GUCY1B1: variants seen among roughly 807,000 people sequenced by gnomAD.
The protein encoded by GUCY1B1 is guanylate cyclase 1 soluble subunit beta 1, also known as guanylate cyclase soluble subunit beta-1.
In GUCY1B1, 43 loss-of-function variants were observed where a neutral mutation model predicts 71.0. The observed-to-expected ratio is 0.61, with a 90% CI of 0.47 to 0.78. The LOEUF is 0.78. Among genes scored for constraint, GUCY1B1 ranks in the 30% least tolerant of loss-of-function variants. GUCY1B1 has a pLI of 0.00. For missense variants in GUCY1B1, 535 were observed against 754.1 expected (o/e 0.71, Z 3.40); for synonymous variants, 266 against 259.7 (o/e 1.02, Z -0.23).
chr4:155,803,149 A>G (rs1220874659), intron 10 of GUCY1B1, among the ~76,000 whole-genome samples: 1 of 152,206 alleles, frequency 6.6e-6, no homozygotes, highest in Non-Finnish European at 1.5e-5. Flanking sequence ...ATCTGGGGTA[A>G]TATAACTACA....
chr4:155,765,165 T>C (rs1737248045), intron 2 of GUCY1B1, among the ~76,000 whole-genome samples: 1 of 152,154 alleles, frequency 6.6e-6, no homozygotes, highest in Non-Finnish European at 1.5e-5. Context: ...TTGGCAAACA[T>C]TTACTAAGCA....
intron 2 of GUCY1B1, 67 bp from the exon 3 acceptor site, chr4:155,774,901 A>G: frequency 4.6e-6 from 4 of 873,102 alleles, no homozygotes; most frequent in East Asian, 2.4e-5. Flanking sequence ...TACAATTATT[A>G]TACTTATAGT....
chr4:155,806,375 G>A lies in GUCY1B1; in HGVS notation c.1837-11G>A. 1 of 1,581,696 alleles carries A rather than the reference G, an allele frequency of 6.3e-7. No individual in the cohort carries two copies. The highest frequency in any genetic ancestry group is 8.7e-7 in the Non-Finnish European group (1 of 1,151,326). On this transcript the variant is annotated splice_polypyrimidine_tract_variant and intron_variant, in intron 13 of 13. Coordinates refer to ENST00000264424, the MANE Select transcript of GUCY1B1 (RefSeq NM_000857.5). ...TGTAAATCAATCCCTCTTTTCTTCTGCCTATTTAAGGAAACAAAGCAGGAT... is the reference window on the plus strand; with the variant it reads ...TGTAAATCAATCCCTCTTTTCTTCTACCTATTTAAGGAAACAAAGCAGGAT...
intron 5 of GUCY1B1, among the ~76,000 whole-genome samples, chr4:155,792,043 C>G (rs1332892930): frequency 4.6e-5 from 7 of 152,106 alleles, no homozygotes; most frequent in South Asian, 2.1e-4. Context: ...AAATTCTCTT[C>G]TGACCATTTA....
intron 2 of GUCY1B1, among the ~76,000 whole-genome samples, chr4:155,760,926 AT>A (rs1370231360): frequency 6.6e-6 from 1 of 152,196 alleles, no homozygotes; most frequent in African/African-American, 2.4e-5. Flanking sequence ...ATTATTAGCA[AT>A]CAATTCTAAC....
chr4:155,759,192 G>A (rs781055437), intron 1 of GUCY1B1, 49 bp downstream of exon 1: 1 of 1,533,446 alleles, frequency 6.5e-7, no homozygotes, highest in South Asian at 1.2e-5. Context: ...CTCCTCGGCC[G>A]GCCTGGCAGC....
intron 4 of GUCY1B1, among the ~76,000 whole-genome samples, chr4:155,788,431 C>G (rs1392568949): frequency 1.3e-5 from 2 of 152,198 alleles, no homozygotes; most frequent in African/African-American, 4.8e-5. Context: ...TTGCACATCT[C>G]TCTGTCACCA....
At chr4:155,762,376 T>C (rs1707075798) in intron 2 of GUCY1B1, among the ~76,000 whole-genome samples, 1 of 152,248 alleles carries the variant, frequency 6.6e-6, no homozygotes, top group Non-Finnish European at 1.5e-5. Context: ...ATTTTTTCTT[T>C]TGGTCTTTGA....
At chr4:155,760,781 G>A (rs1736949908) in intron 2 of GUCY1B1, among the ~76,000 whole-genome samples, 1 of 152,138 alleles carries the variant, frequency 6.6e-6, no homozygotes, top group African/African-American at 2.4e-5. Context: ...TAACAAAGGT[G>A]GAAGGAAGGG....
chr4:155,800,422 A>T (rs1739863702), intron 9 of GUCY1B1, among the ~76,000 whole-genome samples: 1 of 152,238 alleles, frequency 6.6e-6, no homozygotes. Flanking sequence ...TATATTGACC[A>T]TCTTCAGTAT....
intron 4 of GUCY1B1, among the ~76,000 whole-genome samples, chr4:155,786,461 C>CTTT (rs70954058): frequency 3.8e-3 from 142 of 37,164 alleles, no homozygotes; most frequent in Middle Eastern, 0.029. Flanking sequence ...TTCTTTCTTT[C>CTTT]TTTTTTTTTT....
chr4:155,762,206 G>A (rs529702018), intron 2 of GUCY1B1, among the ~76,000 whole-genome samples: 2 of 152,132 alleles, frequency 1.3e-5, no homozygotes, highest in South Asian at 4.2e-4. Flanking sequence ...ATTGAAAAAT[G>A]CTCCTTGGGT....
chr4:155,775,110 T>C (rs1256207204), intron 3 of GUCY1B1, 42 bp downstream of exon 3: 5 of 1,005,180 alleles, frequency 5.0e-6, no homozygotes, highest in African/African-American at 1.6e-5. Context: ...AAGTTACACG[T>C]AGAAGCTCAC....
chr4:155,780,378 C>A (rs567185400), intron 4 of GUCY1B1, among the ~76,000 whole-genome samples: 1 of 152,240 alleles, frequency 6.6e-6, no homozygotes, highest in South Asian at 2.1e-4. Context: ...AAAATTACTT[C>A]TCTGGGAAGA....
chr4:155,767,000 C>G (rs878900992), intron 2 of GUCY1B1, among the ~76,000 whole-genome samples: 2 of 152,100 alleles, frequency 1.3e-5, no homozygotes, highest in African/African-American at 4.8e-5. Context: ...AAAATAGATT[C>G]CTTCATTATC....
chr4:155,782,566 T>C (rs1030873802), intron 4 of GUCY1B1, among the ~76,000 whole-genome samples: 1 of 152,224 alleles, frequency 6.6e-6, no homozygotes, highest in African/African-American at 2.4e-5. Context: ...TATGGCACAT[T>C]CTATTTTCCC....
chr4:155,778,684 T>C (rs1219065835), intron 4 of GUCY1B1, among the ~76,000 whole-genome samples: 1 of 152,194 alleles, frequency 6.6e-6, no homozygotes, highest in Non-Finnish European at 1.5e-5. Context: ...AAACTACTGG[T>C]GTCAAAAAAA....
At chr4:155,770,998 G>A (rs1216804684) in intron 2 of GUCY1B1, among the ~76,000 whole-genome samples, 1 of 152,080 alleles carries the variant, frequency 6.6e-6, no homozygotes, top group African/African-American at 2.4e-5. Flanking sequence ...TATGAGGACA[G>A]GGATCTTTAC....
At chr4:155,762,333 A>T (rs1250705330) in intron 2 of GUCY1B1, among the ~76,000 whole-genome samples, 6 of 151,414 alleles carry the variant, frequency 4.0e-5, no homozygotes, top group African/African-American at 9.7e-5. Flanking sequence ...GAGGAAAAAC[A>T]TTTTTTTTTG....
Sources: gnomAD v4.1 joint callset for allele counts (sites outside exome capture counted in the v4.1 genomes callset) on GRCh38, gnomAD v4.1.1 for gene constraint, MANE v1.5 for transcripts, NCBI Gene and HGNC (gene_info 2026-07-23, HGNC 2026-07-21) for gene names.